ZNF536: variants seen among roughly 807,000 people sequenced by gnomAD.
ZNF536 encodes zinc finger protein 536.
In ZNF536, 13 loss-of-function variants were observed where a neutral mutation model predicts 84.5. The observed-to-expected ratio is 0.15, with a 90% CI of 0.10 to 0.24. The LOEUF is 0.24. ZNF536 is among the 10% of genes least tolerant of loss of function. The probability of loss-of-function intolerance (pLI) is 1.00; values close to 1 mark genes in which losing one functional copy is unlikely to be tolerated. For missense variants in ZNF536, 1,536 were observed against 1,747.5 expected (o/e 0.88, Z 2.16); for synonymous variants, 811 against 742.5 (o/e 1.09, Z -1.50).
chr19:30,461,763 G>A (rs2053147291), intron 2 of ZNF536, among the ~76,000 whole-genome samples: 3 of 152,230 alleles, frequency 2.0e-5, no homozygotes, highest in African/African-American at 7.2e-5. Flanking sequence ...ACACTATGAT[G>A]CTTCATGAGT....
intron 1 of ZNF536, among the ~76,000 whole-genome samples, chr19:30,442,687 A>C (rs763070158): frequency 1.3e-5 from 2 of 152,202 alleles, no homozygotes; most frequent in African/African-American, 4.8e-5. Context: ...ACTTCTTTTG[A>C]TGGGCACAGT....
At chr19:30,247,401 C>T (rs761622349) in intron 1 of ZNF536, among the ~76,000 whole-genome samples, 4 of 152,180 alleles carry the variant, frequency 2.6e-5, no homozygotes, top group South Asian at 2.1e-4. Context: ...TCAGGCATGC[C>T]GGTTCCTGAG....
chr19:30,493,799 C>T (rs1474506270), intron 2 of ZNF536, among the ~76,000 whole-genome samples: 3 of 152,148 alleles, frequency 2.0e-5, no homozygotes, highest in African/African-American at 2.4e-5. Flanking sequence ...GAGGTTCCTG[C>T]GGGGGCCAGA....
chr19:30,289,910 A>G (rs991023477), intron 2 of ZNF536, among the ~76,000 whole-genome samples: 1 of 152,202 alleles, frequency 6.6e-6, no homozygotes, highest in Non-Finnish European at 1.5e-5. Flanking sequence ...TATCTTGACC[A>G]TTTTAAAGTT....
intron 1 of ZNF536, among the ~76,000 whole-genome samples, chr19:30,571,208 C>A (rs761214654): frequency 6.6e-6 from 1 of 152,020 alleles, no homozygotes; most frequent in Non-Finnish European, 1.5e-5. Context: ...GAGAGGTGGT[C>A]GGCTTCAGTG....
intron 1 of ZNF536, among the ~76,000 whole-genome samples, chr19:30,409,186 G>T (rs1016634908): frequency 2.0e-5 from 3 of 152,120 alleles, no homozygotes; most frequent in Non-Finnish European, 4.4e-5. Flanking sequence ...TTCATCTCTG[G>T]TATGTAGAAT....
At chr19:30,403,451 A>G (rs1457094215) in intron 1 of ZNF536, among the ~76,000 whole-genome samples, 1 of 152,164 alleles carries the variant, frequency 6.6e-6, no homozygotes, top group Non-Finnish European at 1.5e-5. Flanking sequence ...TAAGCAGAGG[A>G]AACTGTCATC....
chr19:30,459,472 T>C (rs1250813191), intron 2 of ZNF536, among the ~76,000 whole-genome samples: 1 of 151,226 alleles, frequency 6.6e-6, no homozygotes, highest in East Asian at 2.0e-4. Flanking sequence ...CACTTCAGCC[T>C]CCCAAGTAGC....
chr19:30,480,313 C>T (rs1195271122), intron 2 of ZNF536, among the ~76,000 whole-genome samples: 1 of 152,204 alleles, frequency 6.6e-6, no homozygotes, highest in African/African-American at 2.4e-5. Flanking sequence ...ATCCCTTCTC[C>T]TCTTCTCCTT....
At chr19:30,701,558 A>AACAC (rs200409028) in intron 1 of ZNF536, among the ~76,000 whole-genome samples, 2 of 148,246 alleles carry the variant, frequency 1.3e-5, no homozygotes, top group Non-Finnish European at 3.0e-5. Flanking sequence ...CACACACACA[A>AACAC]ACACACACAC....
At chr19:30,384,067 C>G (rs950154709) in intron 1 of ZNF536, among the ~76,000 whole-genome samples, 1 of 142,730 alleles carries the variant, frequency 7.0e-6, no homozygotes, top group Non-Finnish European at 1.5e-5. Flanking sequence ...TACTCCTCCC[C>G]TTTATCCTCT....
At chr19:30,435,972 G>A (rs1440431099) in intron 1 of ZNF536, among the ~76,000 whole-genome samples, 1 of 152,074 alleles carries the variant, frequency 6.6e-6, no homozygotes, top group African/African-American at 2.4e-5. Context: ...ACGTCTTTGA[G>A]AATTTTGAAG....
intron 1 of ZNF536, among the ~76,000 whole-genome samples, chr19:30,643,665 G>GGC (rs1196249115): frequency 1.3e-5 from 2 of 152,044 alleles, no homozygotes; most frequent in African/African-American, 4.8e-5. Flanking sequence ...TGCAGGGGGG[G>GGC]GTTTTGGGGC....
intron 1 of ZNF536, among the ~76,000 whole-genome samples, chr19:30,575,821 G>A (rs540809807): frequency 4.6e-5 from 7 of 152,294 alleles, no homozygotes; most frequent in East Asian, 3.9e-4. Context: ...GATGTGGGGC[G>A]CACACTTGGG....
intron 1 of ZNF536, among the ~76,000 whole-genome samples, chr19:30,408,856 T>C (rs914940880): frequency 3.0e-5 from 2 of 67,530 alleles, no homozygotes. Context: ...TCATCCATCC[T>C]CCATCCATCG....
intron 1 of ZNF536, among the ~76,000 whole-genome samples, chr19:30,590,217 G>A (rs2047228778): frequency 1.3e-5 from 2 of 152,188 alleles, no homozygotes; most frequent in African/African-American, 2.4e-5. Flanking sequence ...GATACTTGGT[G>A]GGCGTCCTTC....
intron 2 of ZNF536, among the ~76,000 whole-genome samples, chr19:30,491,637 A>G (rs1288026960): frequency 1.3e-5 from 2 of 152,154 alleles, no homozygotes; most frequent in Non-Finnish European, 2.9e-5. Flanking sequence ...GGGGAGAATG[A>G]AACCTGAATA....
intron 1 of ZNF536, among the ~76,000 whole-genome samples, chr19:30,605,760 C>T (rs2047848232): frequency 6.6e-6 from 1 of 152,120 alleles, no homozygotes; most frequent in Non-Finnish European, 1.5e-5. Context: ...AAGGAAGCTG[C>T]AGGATGTTTT....
chr19:30,606,217 T>A (rs376892458), intron 1 of ZNF536, among the ~76,000 whole-genome samples: 1,748 of 55,682 alleles, frequency 0.031, 81 homozygotes, highest in Admixed American at 0.13. Flanking sequence ...TAAAATAAAA[T>A]ATAAAATAAA....
Sources: allele counts gnomAD v4.1 joint callset (sites outside exome capture counted in the v4.1 genomes callset), GRCh38; gene constraint gnomAD v4.1.1; transcripts MANE v1.5; gene names NCBI Gene and HGNC (gene_info 2026-07-23, HGNC 2026-07-21).